The following PCDHA7 variants were observed in gnomAD, a reference collection of about 807,000 sequenced individuals.
PCDHA7 encodes the protein protocadherin alpha 7.
A neutral mutation model predicts 57.2 loss-of-function variants in PCDHA7; 37 were observed. That is an observed-to-expected ratio of 0.65 (90% CI 0.50 to 0.85). PCDHA7 has a LOEUF of 0.85. PCDHA7 is among the 40% of genes least tolerant of loss of function. The pLI is 0.00. For synonymous variants in PCDHA7, 553 were observed against 558.8 expected (o/e 0.99, Z 0.15); for missense variants, 1,188 against 1,241.8 (o/e 0.96, Z 0.65).
chr5:140,968,184 C>T, intron 1 of PCDHA7: 1 of 1,614,050 alleles, frequency 6.2e-7, no homozygotes, highest in Non-Finnish European at 8.5e-7. Flanking sequence ...CTGGAGGACT[C>T]CTATTCCATC....
rs1563652468 is a variant in PCDHA7, at chr5:141,000,419, A to ATT, written c.2504-9207_2504-9206insTT. ...TCTATATATATATATATATATATAT[A>ATT]TATTTTTTTTTTTTTTTTTTTTTTT... On this transcript the variant is annotated intron_variant, in intron 3 of 3. Transcript: ENST00000525929. 2.1e-3 allele frequency among the ~76,000 whole-genome samples: 126 copies of ATT among 60,978 alleles called. 1 individual carries two copies. The highest frequency in any genetic ancestry group is 3.3e-3 in the African/African-American group (43 of 13,160). The allele number at this position is 60,978 out of a possible 152,430, so 40.0% of individuals were successfully genotyped here. A position where few individuals can be genotyped will look rare whatever the true frequency, so the allele number is the denominator to read the frequency against.
At chr5:140,841,071 T>G (rs2150310852) in intron 1 of PCDHA7, 1 of 492,430 alleles carries the variant, frequency 2.0e-6, no homozygotes, top group Non-Finnish European at 3.5e-6. Context: ...GATAAAGAAA[T>G]AGAAAGTGCA....
chr5:140,883,397 C>A, intron 1 of PCDHA7: 1 of 1,614,170 alleles, frequency 6.2e-7, no homozygotes. Flanking sequence ...TGTGTCCGAT[C>A]GTGACTCTGG....
rs782406571 is a variant in PCDHA7 at position 140,876,145 on chromosome 5, T to C, written c.2355+39407T>C. 1.9e-6 allele frequency: 3 copies of C among 1,613,788 alleles called. No homozygotes were observed. The East Asian group carries it at 6.7e-5, about 36-fold the overall frequency. ...TGGCGGTAAACCAGAACTAACAGGG[T>C]CTGTCCAGATTCAAATAACCGTCCT... On this transcript the variant is annotated intron_variant, in intron 1 of 3. Coordinates refer to ENST00000525929, the MANE Select transcript of PCDHA7 (RefSeq NM_018910.3).
At chr5:140,850,949 A>C in intron 1 of PCDHA7, 1 of 1,501,564 alleles carries the variant, frequency 6.7e-7, no homozygotes, top group Non-Finnish European at 8.9e-7. Flanking sequence ...GATATTATCG[A>C]TTACTCCCAG....
intron 1 of PCDHA7, among the ~76,000 whole-genome samples, chr5:140,906,888 A>C (rs1438258969): frequency 6.6e-6 from 1 of 152,102 alleles, no homozygotes; most frequent in Admixed American, 6.5e-5. Flanking sequence ...CTTCCTTCTT[A>C]GATTGTTGGT....
Position 141,009,978 on chromosome 5 carries a change from A to G in PCDHA7, c.*41A>G. On this transcript the variant is annotated 3_prime_UTR_variant, in exon 4 of 4. Coordinates refer to ENST00000525929, the MANE Select transcript of PCDHA7 (RefSeq NM_018910.3). Reference sequence around the variant, plus strand: ...ACAAGCCACTTAGCCAGTTTTTGTAATAATGGCAAATCTCTCCCATGTAGC... The same window carrying G: ...ACAAGCCACTTAGCCAGTTTTTGTAGTAATGGCAAATCTCTCCCATGTAGC... 2 of 1,583,512 alleles carry G rather than the reference A, an allele frequency of 1.3e-6. No homozygotes were observed. Among genetic ancestry groups the G allele is most frequent in the Non-Finnish European group, 1.7e-6 (2 of 1,168,204 alleles).
In PCDHA7 at chr5:140,928,350, T is replaced by C. The variant is rs144619371; in HGVS notation, c.2356-50599T>C. The C allele has an allele frequency of 1.3e-5, 21 of 1,614,098 alleles. No homozygotes were observed. The African/African-American group carries it at 2.1e-4, about 16-fold the overall frequency. On this transcript the variant is annotated intron_variant, in intron 1 of 3. Coordinates refer to ENST00000525929, the MANE Select transcript of PCDHA7 (RefSeq NM_018910.3). ...GCCTTGTCTCTTATGAGCTGTTGGA[T>C]GTTATCTCTGAAGGGCCATCAGCCT...
chr5:140,978,377 G>A (rs1382683424), intron 1 of PCDHA7, among the ~76,000 whole-genome samples: 3 of 152,212 alleles, frequency 2.0e-5, no homozygotes, highest in Non-Finnish European at 4.4e-5. Context: ...GCAATAGTTT[G>A]TTTTCCTCTC....
At chr5:140,856,349 T>C in intron 1 of PCDHA7, 1 of 1,598,368 alleles carries the variant, frequency 6.3e-7, no homozygotes, top group Non-Finnish European at 8.6e-7. Flanking sequence ...GAGCGTGGAG[T>C]GCAGCATCCA....
chr5:140,969,283 T>A, intron 1 of PCDHA7: 61 of 1,614,200 alleles, frequency 3.8e-5, no homozygotes, highest in Non-Finnish European at 5.2e-5. Flanking sequence ...GTGGTCAGAA[T>A]GCTGGGAACC....
Position 140,981,745 on chromosome 5 carries a change from T to C in PCDHA7, c.2415-730T>C, listed in dbSNP as rs145941614. On this transcript the variant is annotated intron_variant, in intron 2 of 3. Coordinates refer to ENST00000525929, the MANE Select transcript of PCDHA7 (RefSeq NM_018910.3). ...CAAATATTTGAGAGATTAATATGAG[T>C]TAGTATTAGACATACATAAATGAAT... Among the ~76,000 whole-genome samples the C allele has an allele frequency of 1.1e-3, 160 of 152,294 alleles. 1 individual carries two copies. The East Asian group carries it at 0.027, about 25-fold the overall frequency.
chr5:140,877,964 T>C lies in PCDHA7; in HGVS notation c.2355+41226T>C, dbSNP rs1582419472. On this transcript the variant is annotated intron_variant, in intron 1 of 3. Coordinates refer to ENST00000525929, the MANE Select transcript of PCDHA7 (RefSeq NM_018910.3). ...AAACTATCGAATGTCTCATCTTTCTTGGTCATTCTTACTCATTTTGAACTT... is the reference window on the plus strand; with the variant it reads ...AAACTATCGAATGTCTCATCTTTCTCGGTCATTCTTACTCATTTTGAACTT... 3 of 1,310,338 alleles carry C rather than the reference T, an allele frequency of 2.3e-6. No individual in the cohort carries two copies. The East Asian group carries it at 7.9e-5, about 34-fold the overall frequency. 81.2% of individuals were successfully genotyped at this position (1,310,338 alleles called of 1,614,324 possible). A position where few individuals can be genotyped will look rare whatever the true frequency, so the allele number is the denominator to read the frequency against.
chr5:140,839,514 C>G (rs544251517), intron 1 of PCDHA7, among the ~76,000 whole-genome samples: 6 of 151,964 alleles, frequency 3.9e-5, no homozygotes, highest in Non-Finnish European at 8.8e-5. Flanking sequence ...CTCAGCCTCT[C>G]AAGTTGCTGG....
At chr5:140,856,678 G>A in intron 1 of PCDHA7, 5 of 1,597,744 alleles carry the variant, frequency 3.1e-6, no homozygotes, top group Non-Finnish European at 4.3e-6. Flanking sequence ...TAAAGTTGTT[G>A]TTGACAGCAA....
At chr5:140,974,240 A>G (rs1554235899) in intron 1 of PCDHA7, among the ~76,000 whole-genome samples, 1 of 152,188 alleles carries the variant, frequency 6.6e-6, no homozygotes, top group African/African-American at 2.4e-5. Context: ...CTTGGCATAT[A>G]AGCACCATCA....
rs2150478834 is a variant in PCDHA7 at position 140,850,308 on chromosome 5, G to A, written c.2355+13570G>A. 1.9e-6 allele frequency: 3 copies of A among 1,597,160 alleles called. No individual in the cohort carries two copies. In the South Asian group the frequency reaches 3.3e-5, roughly 18 times the overall value. ...AGTGGACGCCGACTCGGGCTACAAC[G>A]CGTGGCTTTCATACGAGCTGCAGCC... On this transcript the variant is annotated intron_variant, in intron 1 of 3. Coordinates refer to ENST00000525929, the MANE Select transcript of PCDHA7 (RefSeq NM_018910.3).
At position 140,982,572 on chromosome 5, in the gene PCDHA7, C is replaced by G. The variant is rs782271002; in HGVS notation, c.2503+9C>G. 1 of 1,613,760 alleles carries G rather than the reference C, an allele frequency of 6.2e-7. No homozygotes were observed. Among genetic ancestry groups the G allele is most frequent in the Non-Finnish European group, 8.5e-7 (1 of 1,179,726 alleles). On this transcript the variant is annotated intron_variant, in intron 3 of 3. Transcript: ENST00000525929. ...ATCCAGTGCAACACCAGGTAAAGAGCTGGGGTCTCTCCATTCTTTCTTGGT... is the reference window on the plus strand; with the variant it reads ...ATCCAGTGCAACACCAGGTAAAGAGGTGGGGTCTCTCCATTCTTTCTTGGT...
At chr5:140,856,867 C>A (rs1554149232) in intron 1 of PCDHA7, 1 of 1,595,186 alleles carries the variant, frequency 6.3e-7, no homozygotes. Context: ...AAGGAATAAA[C>A]AAGGAAATGA....
Sources: allele counts gnomAD v4.1 joint callset (sites outside exome capture counted in the v4.1 genomes callset), GRCh38; gene constraint gnomAD v4.1.1; transcripts MANE v1.5; gene names NCBI Gene and HGNC (gene_info 2026-07-23, HGNC 2026-07-21).